Variants in KCNH5 observed in about 807,000 individuals in gnomAD.
The protein encoded by KCNH5 is potassium voltage-gated channel subfamily H member 5.
Under a neutral mutation model 96.1 loss-of-function variants are expected in KCNH5, and 46 were observed. The observed-to-expected ratio is 0.48, with a 90% CI of 0.38 to 0.61. KCNH5 has a LOEUF of 0.61. Among genes scored for constraint, KCNH5 ranks in the 20% least tolerant of loss-of-function variants. The pLI, the probability that KCNH5 is intolerant of heterozygous loss-of-function variation, is 0.00. For missense variants in KCNH5, 907 were observed against 1,225.8 expected (o/e 0.74, Z 3.88); for synonymous variants, 439 against 449.8 (o/e 0.98, Z 0.30).
intron 3 of KCNH5, among the ~76,000 whole-genome samples, chr14:63,003,428 C>T (rs1239291122): frequency 8.6e-6 from 1 of 116,244 alleles, no homozygotes; most frequent in Non-Finnish European, 1.9e-5. Context: ...TTTGAGTACA[C>T]AGAAAGAGCC....
At chr14:62,940,653 C>T (rs1363597130) in intron 7 of KCNH5, among the ~76,000 whole-genome samples, 2 of 152,158 alleles carry the variant, frequency 1.3e-5, no homozygotes, top group Non-Finnish European at 2.9e-5. Flanking sequence ...CTATTTGATG[C>T]CTACATTTTT....
At chr14:63,023,521 G>T (rs1200609445) in intron 1 of KCNH5, among the ~76,000 whole-genome samples, 1 of 152,024 alleles carries the variant, frequency 6.6e-6, no homozygotes, top group Non-Finnish European at 1.5e-5. Context: ...TGCCTAGTCT[G>T]CATACAGGAA....
chr14:63,003,441 ATATATATATTATATATATATTT>A (rs1404003082), intron 3 of KCNH5, among the ~76,000 whole-genome samples: 4 of 113,918 alleles, frequency 3.5e-5, no homozygotes, highest in South Asian at 2.5e-4. Context: ...AAAGAGCCAT[ATATATATATTATATATATATTT>A]TATATATATT....
intron 3 of KCNH5, among the ~76,000 whole-genome samples, chr14:63,001,896 C>G (rs1440785272): frequency 1.3e-5 from 2 of 152,182 alleles, no homozygotes; most frequent in African/African-American, 4.8e-5. Flanking sequence ...TTAACTGCAA[C>G]AGCCATACCT....
At chr14:62,906,744 T>C (rs1368080310) in intron 7 of KCNH5, among the ~76,000 whole-genome samples, 1 of 152,188 alleles carries the variant, frequency 6.6e-6, no homozygotes, top group Non-Finnish European at 1.5e-5. Context: ...TTTTTAAACA[T>C]AACAAAACTT....
At position 62,955,725 on chromosome 14, in the gene KCNH5, C is replaced by G. The variant is rs1257818049; in HGVS notation, c.943-5166G>C. 3.9e-5 allele frequency among the ~76,000 whole-genome samples: 6 copies of G among 152,230 alleles called. No homozygotes were observed. In the East Asian group the frequency reaches 1.2e-3, roughly 29 times the overall value. ...ACCTAGCCTCCTCTTTCCCTCCACT[C>G]AGTCACAGCAATGGCCACGCAGTAG... On this transcript the variant is annotated intron_variant, in intron 6 of 10. Transcript: ENST00000322893.
chr14:62,885,387 T>G (rs1888576472), intron 7 of KCNH5, among the ~76,000 whole-genome samples: 1 of 152,214 alleles, frequency 6.6e-6, no homozygotes, highest in Non-Finnish European at 1.5e-5. Context: ...TTTTCACTAT[T>G]GACCAGGCTC....
At chr14:62,906,984 A>T (rs1300049572) in intron 7 of KCNH5, among the ~76,000 whole-genome samples, 1 of 152,196 alleles carries the variant, frequency 6.6e-6, no homozygotes, top group Non-Finnish European at 1.5e-5. Context: ...TTCTTCCTGA[A>T]TTCTTTGTAA....
At chr14:63,042,976 G>C (rs1332977944) in intron 1 of KCNH5, among the ~76,000 whole-genome samples, 3 of 152,024 alleles carry the variant, frequency 2.0e-5, no homozygotes, top group Non-Finnish European at 4.4e-5. Flanking sequence ...TGCCAAAACA[G>C]ATAAATTTTC....
At chr14:62,715,929 A>G (rs973029156) in intron 10 of KCNH5, among the ~76,000 whole-genome samples, 1 of 152,166 alleles carries the variant, frequency 6.6e-6, no homozygotes, top group African/African-American at 2.4e-5. Context: ...TGTAAGAAGG[A>G]TTAGTATGAT....
intron 10 of KCNH5, among the ~76,000 whole-genome samples, chr14:62,756,389 G>A (rs952974338): frequency 2.0e-5 from 3 of 151,798 alleles, no homozygotes; most frequent in Non-Finnish European, 2.9e-5. Context: ...GCCATCTATG[G>A]ATTCAACACA....
At chr14:62,733,423 C>T (rs1425437679) in intron 10 of KCNH5, among the ~76,000 whole-genome samples, 1 of 152,132 alleles carries the variant, frequency 6.6e-6, no homozygotes, top group Non-Finnish European at 1.5e-5. Context: ...AACAGGCTCT[C>T]ACTAGACACC....
intron 4 of KCNH5, among the ~76,000 whole-genome samples, chr14:62,990,090 C>T (rs1445336850): frequency 2.0e-5 from 3 of 151,680 alleles, no homozygotes; most frequent in East Asian, 1.9e-4. Context: ...AGCCCACTTT[C>T]GTTCCCTGTG....
intron 7 of KCNH5, among the ~76,000 whole-genome samples, chr14:62,937,238 AC>A (rs1889702435): frequency 1.3e-5 from 2 of 152,024 alleles, no homozygotes; most frequent in Admixed American, 1.3e-4. Context: ...TGCTGGTCTT[AC>A]CGTATGTCTG....
rs368547333 is a variant in KCNH5, at chr14:62,862,658, T to C, written c.1370-12806A>G. ...TCAGAAGACTTGAAGTTTTTGCCTT[T>C]ACTCTCTTAGGATGCTGCCTTGAAA... On this transcript the variant is annotated intron_variant, in intron 7 of 10. Transcript: ENST00000322893. Among the ~76,000 whole-genome samples, 52 of 152,326 alleles carry C rather than the reference T, an allele frequency of 3.4e-4. 1 individual carries two copies. The East Asian group carries it at 9.8e-3, about 29-fold the overall frequency.
intron 7 of KCNH5, among the ~76,000 whole-genome samples, chr14:62,937,890 A>G (rs1012807470): frequency 5.3e-5 from 8 of 152,156 alleles, no homozygotes; most frequent in Admixed American, 5.2e-4. Flanking sequence ...CTGGGTCCTC[A>G]TAAGGGAAAG....
rs537862096 is a variant in KCNH5, at chr14:62,702,074, A to C, written c.*5434T>G. The C allele has an allele frequency of 1.2e-4, 19 of 152,172 alleles. No homozygotes were observed. In the South Asian group the frequency reaches 3.7e-3, roughly 30 times the overall value. The allele number at this position is 152,172 out of a possible 1,614,324, so 9.4% of individuals were successfully genotyped here. On this transcript the variant is annotated 3_prime_UTR_variant, in exon 11 of 11. Transcript: ENST00000322893. The stretch of plus-strand genomic sequence containing the variant: ...AATTATAGAAAAAAAATCCTGAATG[A>C]CTCTTGCTTTCCTTAACCATTAGGC...
intron 8 of KCNH5, among the ~76,000 whole-genome samples, chr14:62,832,106 A>G (rs1314583108): frequency 6.6e-6 from 1 of 152,234 alleles, no homozygotes. Context: ...ACATAATCAT[A>G]AAAATCGTCT....
At chr14:62,912,089 C>G (rs79889745) in intron 7 of KCNH5, among the ~76,000 whole-genome samples, 3,927 of 146,404 alleles carry the variant, frequency 0.027, 73 homozygotes, top group East Asian at 0.084. Flanking sequence ...CTCTGTTATA[C>G]TACTTACAAA....
Sources: gnomAD v4.1 joint callset for allele counts (sites outside exome capture counted in the v4.1 genomes callset) on GRCh38, gnomAD v4.1.1 for gene constraint, MANE v1.5 for transcripts, NCBI Gene and HGNC (gene_info 2026-07-23, HGNC 2026-07-21) for gene names.